Variants in PRDM5 observed in about 807,000 individuals in gnomAD.
PRDM5 encodes PR/SET domain 5.
A neutral mutation model predicts 81.2 loss-of-function variants in PRDM5; 56 were observed. The ratio of observed to expected loss-of-function variants is 0.69; its 90% CI spans 0.56 to 0.86. The LOEUF (loss-of-function observed/expected upper bound fraction) is 0.86. Among genes scored for constraint, PRDM5 ranks in the 40% least tolerant of loss-of-function variants. The pLI, the probability that PRDM5 is intolerant of heterozygous loss-of-function variation, is 0.00. For missense variants in PRDM5, 697 were observed against 770.1 expected (o/e 0.91, Z 1.12); for synonymous variants, 267 against 256.4 (o/e 1.04, Z -0.39).
intron 2 of PRDM5, among the ~76,000 whole-genome samples, chr4:120,887,011 T>C (rs549604491): frequency 1.2e-3 from 188 of 152,070 alleles, no homozygotes; most frequent in African/African-American, 4.4e-3. Context: ...AGTGGCCTGA[T>C]CTCGGCTCAC....
At chr4:120,852,080 C>G (rs1759334643) in intron 3 of PRDM5, among the ~76,000 whole-genome samples, 1 of 152,114 alleles carries the variant, frequency 6.6e-6, no homozygotes, top group Admixed American at 6.6e-5. Flanking sequence ...TAGAGAAGCC[C>G]TAACTATAGG....
At chr4:120,751,986 T>C (rs2136999) in intron 14 of PRDM5, among the ~76,000 whole-genome samples, 7,051 of 152,296 alleles carry the variant, frequency 0.046, 323 homozygotes, top group Middle Eastern at 0.15. Flanking sequence ...GAATTAGAGC[T>C]ATCTAAATGC....
chr4:120,919,159 C>T (rs1724586266), intron 1 of PRDM5, among the ~76,000 whole-genome samples: 1 of 152,146 alleles, frequency 6.6e-6, no homozygotes, highest in Non-Finnish European at 1.5e-5. Flanking sequence ...TAAAGTAGAC[C>T]CACCCCTCAT....
At chr4:120,733,916 C>T (rs1163225381) in intron 14 of PRDM5, among the ~76,000 whole-genome samples, 1 of 145,874 alleles carries the variant, frequency 6.9e-6, no homozygotes, top group African/African-American at 2.6e-5. Context: ...AACAAAAAAA[C>T]TGGGCTAATA....
chr4:120,721,850 T>C (rs142410145), intron 14 of PRDM5, among the ~76,000 whole-genome samples: 6 of 152,326 alleles, frequency 3.9e-5, no homozygotes. Context: ...GGGAAGGCCA[T>C]CACTTGGCTC....
At chr4:120,791,910 C>A (rs1338301254) in intron 10 of PRDM5, among the ~76,000 whole-genome samples, 2 of 152,180 alleles carry the variant, frequency 1.3e-5, no homozygotes, top group African/African-American at 4.8e-5. Flanking sequence ...TACAAGAAGA[C>A]AGTCATCTGC....
intron 10 of PRDM5, among the ~76,000 whole-genome samples, chr4:120,788,710 G>A (rs1750126886): frequency 6.6e-6 from 1 of 152,138 alleles, no homozygotes; most frequent in South Asian, 2.1e-4. Context: ...TTTTAACTAT[G>A]TTCAACCAAA....
At chr4:120,800,434 T>C (rs192014329) in intron 8 of PRDM5, among the ~76,000 whole-genome samples, 1 of 152,106 alleles carries the variant, frequency 6.6e-6, no homozygotes, top group East Asian at 1.9e-4. Context: ...GGATGATTGT[T>C]TGAACCTGGG....
intron 10 of PRDM5, among the ~76,000 whole-genome samples, chr4:120,786,166 T>C (rs1749740929): frequency 6.6e-6 from 1 of 152,108 alleles, no homozygotes; most frequent in African/African-American, 2.4e-5. Context: ...TTATAGCCTA[T>C]TAATTTATAT....
At chr4:120,895,533 T>A (rs1410618302) in intron 2 of PRDM5, 1 of 152,472 alleles carries the variant, frequency 6.6e-6, no homozygotes, top group African/African-American at 2.4e-5. Context: ...CTCTTCCACA[T>A]CAACACCATC....
chr4:120,874,034 T>C (rs960644869), intron 2 of PRDM5, among the ~76,000 whole-genome samples: 15 of 152,194 alleles, frequency 9.9e-5, no homozygotes, highest in Non-Finnish European at 2.2e-4. Context: ...ACACATATAT[T>C]AATGTGTAAT....
chr4:120,770,464 CTT>C (rs10610024), intron 13 of PRDM5, among the ~76,000 whole-genome samples: 58,125 of 146,638 alleles, frequency 0.4, 11,420 homozygotes, highest in East Asian at 0.49. Flanking sequence ...TCTCATTTCT[CTT>C]TTTTTTTTTT....
intron 8 of PRDM5, among the ~76,000 whole-genome samples, chr4:120,802,050 T>C (rs927489417): frequency 2.0e-5 from 3 of 152,200 alleles, no homozygotes; most frequent in South Asian, 2.1e-4. Flanking sequence ...AAATGAAACA[T>C]TGTTCATTTG....
chr4:120,807,109 T>A (rs1753095629), intron 8 of PRDM5, among the ~76,000 whole-genome samples: 4 of 152,236 alleles, frequency 2.6e-5, no homozygotes. Context: ...ATGCTCATCA[T>A]CACTGGCCAT....
chr4:120,877,577 G>C (rs1315116382), intron 2 of PRDM5, among the ~76,000 whole-genome samples: 1 of 152,184 alleles, frequency 6.6e-6, no homozygotes, highest in Non-Finnish European at 1.5e-5. Context: ...GGCTGAGGCG[G>C]GTGGATCATC....
intron 1 of PRDM5, among the ~76,000 whole-genome samples, chr4:120,912,354 T>A (rs1285779149): frequency 2.0e-5 from 3 of 152,108 alleles, no homozygotes; most frequent in South Asian, 4.1e-4. Flanking sequence ...TTGCCAGAAA[T>A]ATTTATATCT....
chr4:120,922,381 G>T (rs926465918), intron 1 of PRDM5, 135 bp downstream of exon 1: 234 of 1,116,796 alleles, frequency 2.1e-4, no homozygotes, highest in Middle Eastern at 3.8e-4. Flanking sequence ...GCCTTCCCAC[G>T]GACGCCTGGC....
At chr4:120,869,037 G>T (rs1272285777) in intron 2 of PRDM5, among the ~76,000 whole-genome samples, 1 of 152,066 alleles carries the variant, frequency 6.6e-6, no homozygotes, top group Non-Finnish European at 1.5e-5. Context: ...TACCTTAAAT[G>T]CAGACAAAAG....
At chr4:120,759,635 G>T (rs752168106) in intron 13 of PRDM5, among the ~76,000 whole-genome samples, 4 of 152,152 alleles carry the variant, frequency 2.6e-5, no homozygotes, top group African/African-American at 4.8e-5. Context: ...CACATAAAAT[G>T]ATCCTGTGGA....
Sources: gnomAD v4.1 joint callset for allele counts (sites outside exome capture counted in the v4.1 genomes callset) on GRCh38, gnomAD v4.1.1 for gene constraint, MANE v1.5 for transcripts, NCBI Gene and HGNC (gene_info 2026-07-23, HGNC 2026-07-21) for gene names.